The following SULF2 variants were observed in gnomAD, a reference collection of about 807,000 sequenced individuals.
SULF2 encodes extracellular sulfatase Sulf-2.
SULF2 carries 52 observed loss-of-function variants against 107.7 expected under a neutral mutation model. The observed-to-expected ratio is 0.48, with a 90% confidence interval of 0.39 to 0.61. The LOEUF is 0.61. SULF2 is among the 20% of genes least tolerant of loss of function. SULF2 has a pLI of 0.00. For synonymous variants in SULF2, 460 were observed against 464.3 expected, an observed-to-expected ratio of 0.99 and a Z score of 0.12; for missense variants, 993 against 1,177.3, an observed-to-expected ratio of 0.84 and a Z score of 2.29.
intron 3 of SULF2, among the ~76,000 whole-genome samples, chr20:47,711,759 C>T (rs957474829): frequency 6.6e-6 from 1 of 152,216 alleles, no homozygotes; most frequent in East Asian, 1.9e-4. Flanking sequence ...ACAAACACAT[C>T]TACGCACCTG....
At position 47,658,224 on chromosome 20, in the gene SULF2, T is replaced by G; in HGVS notation, c.*138A>C. ...GGTTATCCTCCAGAATCTGTCATGT[T>G]GACTGAGAGTGCGTGCTTGCTTTCT... is the stretch of plus-strand genomic sequence containing the variant. On this transcript the variant is annotated 3_prime_UTR_variant, in exon 21 of 21. Transcript: ENST00000688720. 1 of 828,128 alleles carries G rather than the reference T, an allele frequency of 1.2e-6. No homozygotes were observed. The highest frequency in any genetic ancestry group is 1.4e-5 in the South Asian group (1 of 69,522). 51.3% of individuals were successfully genotyped at this position (828,128 alleles called of 1,614,324 possible).
intron 2 of SULF2, among the ~76,000 whole-genome samples, chr20:47,750,657 T>C (rs892433676): frequency 3.3e-5 from 5 of 152,222 alleles, no homozygotes; most frequent in African/African-American, 7.2e-5. Context: ...ATGTCCTCTA[T>C]TGGTGTCCAT....
intron 16 of SULF2, 54 bp downstream of exon 16, chr20:47,663,399 G>A: frequency 1.3e-6 from 2 of 1,599,894 alleles, no homozygotes; most frequent in Non-Finnish European, 1.7e-6. Flanking sequence ...AAGTGGAGAA[G>A]TTTCTTGAAC....
chr20:47,756,825 T>C (rs1725758009), intron 2 of SULF2, among the ~76,000 whole-genome samples: 1 of 152,122 alleles, frequency 6.6e-6, no homozygotes, highest in South Asian at 2.1e-4. Flanking sequence ...TCTGTAGTTT[T>C]AGTAAAGACG....
At chr20:47,674,561 C>T (rs2087578662) in intron 10 of SULF2, among the ~76,000 whole-genome samples, 1 of 152,216 alleles carries the variant, frequency 6.6e-6, no homozygotes, top group South Asian at 2.1e-4. Flanking sequence ...CTGGTCTGGG[C>T]TTTGGCAATG....
At chr20:47,738,601 TC>T (rs1475010250) in intron 2 of SULF2, among the ~76,000 whole-genome samples, 4 of 152,248 alleles carry the variant, frequency 2.6e-5, no homozygotes, top group Non-Finnish European at 4.4e-5. Context: ...GGGGGTTGTT[TC>T]CCCCATACTG....
chr20:47,690,153 C>A lies in SULF2; in HGVS notation c.710G>T (p.Arg237Leu). ...GPEDSAPQYS[R>L]LFPNASQHIT... The stretch of plus-strand genomic sequence containing the variant: ...GTGCTGAGATGCGTTTGGGAAGAGG[C>A]GTGAATATTGTGGGGCTGAATCCTC... Residue 237 changes from arginine to leucine, a missense_variant, in exon 5 of 21, where the codon CGC (arginine) becomes CTC (leucine). This residue lies in a region of SULF2 where 388 missense variants were observed against 449.2 expected (regional missense o/e 0.86). Coordinates refer to ENST00000688720, the MANE Select transcript of SULF2 (RefSeq NM_001387048.1). 1 of 1,530,712 alleles carries A rather than the reference C, an allele frequency of 6.5e-7. No individual in the cohort carries two copies. Among genetic ancestry groups the A allele is most frequent in the Non-Finnish European group, 8.8e-7 (1 of 1,133,930 alleles). 94.8% of individuals were successfully genotyped at this position (1,530,712 alleles called of 1,614,324 possible). A position where few individuals can be genotyped will look rare whatever the true frequency, so the allele number is the denominator to read the frequency against.
chr20:47,764,366 T>C (rs1270432698), intron 1 of SULF2, among the ~76,000 whole-genome samples: 2 of 152,248 alleles, frequency 1.3e-5, no homozygotes, highest in Non-Finnish European at 2.9e-5. Context: ...AAATATTTAC[T>C]GGCTTAACAA....
chr20:47,716,498 C>CT (rs1410875775), intron 3 of SULF2, among the ~76,000 whole-genome samples: 11 of 152,230 alleles, frequency 7.2e-5, no homozygotes, highest in African/African-American at 1.4e-4. Context: ...GAGCAAGACT[C>CT]TGTCTTGGGG....
intron 11 of SULF2, among the ~76,000 whole-genome samples, chr20:47,670,752 G>C (rs571423791): frequency 1.1e-3 from 172 of 150,534 alleles, no homozygotes; most frequent in Middle Eastern, 0.01. Context: ...CGTTGAATGG[G>C]GACAGTTGTA....
intron 3 of SULF2, among the ~76,000 whole-genome samples, chr20:47,706,260 C>A (rs560472183): frequency 3.0e-4 from 46 of 152,282 alleles, no homozygotes; most frequent in African/African-American, 1.1e-3. Context: ...TTGACCCCCA[C>A]CTCTAACGCT....
rs142140388 is a variant in SULF2 at position 47,779,762 on chromosome 20, G to A, written c.-101+5581C>T. 6.7e-3 allele frequency among the ~76,000 whole-genome samples: 1,014 copies of A among 151,950 alleles called. 15 individuals carry two copies. The highest frequency in any genetic ancestry group is 0.022 in the African/African-American group (912 of 41,430). Reference sequence around the variant, plus strand: ...ACTGGGATTACAGGTGTGCGCCACCGTGCCTGGCTAATTTTTGTATTTTTA... The same window carrying A: ...ACTGGGATTACAGGTGTGCGCCACCATGCCTGGCTAATTTTTGTATTTTTA... On this transcript the variant is annotated intron_variant, in intron 1 of 20. Coordinates refer to ENST00000688720, the MANE Select transcript of SULF2 (RefSeq NM_001387048.1).
In SULF2 at chr20:47,684,548, G is replaced by A. The variant is rs773313484; in HGVS notation, c.771C>T (p.Asp257=). The A allele has an allele frequency of 6.2e-7, 1 of 1,614,090 alleles. No individual in the cohort carries two copies. The highest frequency in any genetic ancestry group is 8.5e-7 in the Non-Finnish European group (1 of 1,179,974). Residue 257 remains aspartate, a synonymous_variant, in exon 6 of 21, where the codon GAC becomes GAT. Coordinates refer to ENST00000688720, the MANE Select transcript of SULF2 (RefSeq NM_001387048.1). The stretch of plus-strand genomic sequence containing the variant: ...CCGTGTAGCGCATGATCCAGTGTTT[G>A]TCCGGGTTGGGCGCGTAGTTGTAGC... The part of the protein sequence containing the change: ...TPSYNYAPNP[D]KHWIMRYTGP...
At chr20:47,765,664 G>A (rs1270687450) in intron 1 of SULF2, among the ~76,000 whole-genome samples, 2 of 152,184 alleles carry the variant, frequency 1.3e-5, no homozygotes, top group Non-Finnish European at 2.9e-5. Context: ...GCAGTGTTCA[G>A]TGATAGGAGA....
Position 47,757,257 on chromosome 20 carries a change from T to C in SULF2, c.107A>G (p.Gln36Arg). 3.8e-6 allele frequency: 6 copies of C among 1,576,376 alleles called. No individual in the cohort carries two copies. Among genetic ancestry groups the C allele is most frequent in the Non-Finnish European group, 5.2e-6 (6 of 1,159,880 alleles). The change falls in exon 2 of 21, where the codon CAG becomes CGG. Residue 36 changes from glutamine (Q) to arginine (R), a missense_variant. By Grantham distance (43) the Gln-to-Arg change is conservative. Transcript: ENST00000688720. ...LSHHRLKGRFQRDRRNIRPNI... is the reference protein window; with the variant it reads ...LSHHRLKGRFRRDRRNIRPNI... ...GGGGCGGATGTTCCTGCGGTCCCTCTGAAACCTGCCTTTCAGGCGGTGGTG... is the reference window on the plus strand; with the variant it reads ...GGGGCGGATGTTCCTGCGGTCCCTCCGAAACCTGCCTTTCAGGCGGTGGTG...
At chr20:47,775,887 T>C (rs2090715958) in intron 1 of SULF2, among the ~76,000 whole-genome samples, 1 of 152,254 alleles carries the variant, frequency 6.6e-6, no homozygotes, top group South Asian at 2.1e-4. Context: ...CAATGCACAA[T>C]GTAAGTGTCC....
chr20:47,721,870 G>C (rs1006281125), intron 3 of SULF2, among the ~76,000 whole-genome samples: 2 of 152,120 alleles, frequency 1.3e-5, no homozygotes, highest in African/African-American at 4.8e-5. Context: ...GACAATCAGG[G>C]TATCTCCTTT....
rs139259177 is a variant in SULF2, at chr20:47,694,039, C to T, written c.568-3744G>A. ...TCCATCCTCCTCAGTGGCCACTCCT[C>T]GGCTAAGTCTTCCCCGATCTCTGCT... On this transcript the variant is annotated intron_variant, in intron 4 of 20. Transcript: ENST00000688720. This position sits in a 1 kb window ranked among gnomAD's most constrained non-coding sequence, Gnocchi z 4.4. Among the ~76,000 whole-genome samples the T allele has an allele frequency of 3.7e-4, 56 of 152,300 alleles. No individual in the cohort carries two copies. Among genetic ancestry groups the T allele is most frequent in the African/African-American group, 1.1e-3 (44 of 41,570 alleles).
At position 47,745,402 on chromosome 20, in the gene SULF2, AAAAAAAAAATATATATATATAT is replaced by A. The variant is rs1479111398; in HGVS notation, c.176-8482_176-8461del. On this transcript the variant is annotated intron_variant, in intron 2 of 20. Transcript: ENST00000688720. ...TGAGGGAAAAAAAAAAAAAAAAAAA[AAAAAAAAAATATATATATATAT>A]ATATATATATATATATATATATATA... Among the ~76,000 whole-genome samples the A allele has an allele frequency of 1.5e-4, 4 of 26,862 alleles. No individual in the cohort carries two copies. The South Asian group carries it at 5.7e-3, about 38-fold the overall frequency. The allele number at this position is 26,862 out of a possible 152,430, so 17.6% of individuals were successfully genotyped here.
Sources: allele counts gnomAD v4.1 joint callset (sites outside exome capture counted in the v4.1 genomes callset), GRCh38; gene constraint gnomAD v4.1.1; regional missense constraint gnomAD v4.1.1; non-coding constraint Gnocchi (gnomAD v3.1); transcripts MANE v1.5; gene names NCBI Gene and HGNC (gene_info 2026-07-23, HGNC 2026-07-21).